The following CCDC7 variants were observed in gnomAD, a reference collection of about 807,000 sequenced individuals.
CCDC7 encodes coiled-coil domain containing 7.
In CCDC7, 183 loss-of-function variants were observed where a neutral mutation model predicts 196.9. The ratio of observed to expected loss-of-function variants is 0.93; its 90% confidence interval spans 0.82 to 1.05. The LOEUF (loss-of-function observed/expected upper bound fraction) is 1.05. Among genes scored for constraint, CCDC7 ranks in the 50% least tolerant of loss-of-function variants. The pLI, the probability that CCDC7 is intolerant of heterozygous loss-of-function variation, is 0.00. For synonymous variants in CCDC7, 525 were observed against 484.6 expected, an observed-to-expected ratio of 1.08 and a Z score of -1.10; for missense variants, 1,540 against 1,482.2, an observed-to-expected ratio of 1.04 and a Z score of -0.64.
intron 28 of CCDC7, among the ~76,000 whole-genome samples, chr10:32,761,326 G>A (rs1364804835): frequency 6.6e-6 from 1 of 151,932 alleles, no homozygotes; most frequent in East Asian, 1.9e-4. Flanking sequence ...ACTTGATACA[G>A]AACAAAGAGA....
downstream of CCDC7, among the ~76,000 whole-genome samples, chr10:32,880,754 G>A (rs546424996): frequency 2.6e-5 from 4 of 152,044 alleles, no homozygotes; most frequent in Non-Finnish European, 4.4e-5. Context: ...TTCTGCATAT[G>A]GCTAGCCAGT....
intron 20 of CCDC7, among the ~76,000 whole-genome samples, chr10:32,651,591 C>T (rs1004561202): frequency 3.9e-5 from 6 of 152,142 alleles, no homozygotes; most frequent in African/African-American, 1.4e-4. Flanking sequence ...GGCAGGAGCA[C>T]TCTGTCTTAC....
At chr10:32,511,568 A>C in intron 9 of CCDC7, 1 of 1,606,776 alleles carries the variant, frequency 6.2e-7, no homozygotes, top group Non-Finnish European at 8.5e-7. Context: ...GTATGCAGAA[A>C]CCAAATCCAC....
chr10:32,443,846 G>A (rs1396716831), upstream of CCDC7, among the ~76,000 whole-genome samples: 1 of 151,806 alleles, frequency 6.6e-6, no homozygotes, highest in Non-Finnish European at 1.5e-5. Flanking sequence ...CTTGGATTTT[G>A]ATCATAAACG....
At chr10:32,779,777 A>G (rs2080747326) in intron 29 of CCDC7, among the ~76,000 whole-genome samples, 1 of 152,238 alleles carries the variant, frequency 6.6e-6, no homozygotes, top group South Asian at 2.1e-4. Context: ...AGCTTCAGAA[A>G]ATAGTCACAG....
Position 32,694,890 on chromosome 10 carries a change from G to GA in CCDC7, c.2358dup (p.Pro787ThrfsTer8). On this transcript the variant is annotated frameshift_variant, in exon 24 of 42. Transcript: ENST00000639629. LOFTEE classifies it high-confidence loss of function. ...ATCTCCTTATGTAGCTCATGATGAAGAACCAGGCAAAAATCTTGTGCTTGA... is the reference window on the plus strand; with the variant it reads ...ATCTCCTTATGTAGCTCATGATGAAGAAACCAGGCAAAAATCTTGTGCTTGA... The GA allele has an allele frequency of 6.3e-7, 1 of 1,592,914 alleles. No individual in the cohort carries two copies. Among genetic ancestry groups the GA allele is most frequent in the Non-Finnish European group, 8.6e-7 (1 of 1,169,246 alleles).
chr10:32,770,371 C>T (rs1287587675), intron 28 of CCDC7, among the ~76,000 whole-genome samples: 1 of 152,106 alleles, frequency 6.6e-6, no homozygotes. Flanking sequence ...TCGTTATTGA[C>T]CCAAATATCA....
intron 25 of CCDC7, among the ~76,000 whole-genome samples, chr10:32,720,103 T>C (rs2082178442): frequency 2.0e-5 from 3 of 152,194 alleles, no homozygotes; most frequent in Admixed American, 2.0e-4. Flanking sequence ...GTATGTTTAT[T>C]GCAGCACTAT....
intron 40 of CCDC7, among the ~76,000 whole-genome samples, chr10:32,853,870 CATTT>C (rs1256668890): frequency 6.6e-6 from 1 of 152,088 alleles, no homozygotes; most frequent in African/African-American, 2.4e-5. Context: ...TTCTAGTCTT[CATTT>C]GTTTTCATAT....
chr10:32,468,570 A>G (rs1311617474), intron 5 of CCDC7, among the ~76,000 whole-genome samples: 1 of 152,160 alleles, frequency 6.6e-6, no homozygotes, highest in Non-Finnish European at 1.5e-5. Flanking sequence ...GGATGCCTTT[A>G]TTTCTTTCTC....
chr10:32,864,755 C>T (rs1189861301), intron 41 of CCDC7, among the ~76,000 whole-genome samples: 1 of 151,612 alleles, frequency 6.6e-6, no homozygotes, highest in Non-Finnish European at 1.5e-5. Flanking sequence ...ATAGGAAATC[C>T]TGAAGCTTAA....
chr10:32,596,589 T>G (rs2060385440), intron 18 of CCDC7, among the ~76,000 whole-genome samples: 1 of 152,194 alleles, frequency 6.6e-6, no homozygotes, highest in Non-Finnish European at 1.5e-5. Flanking sequence ...GTTAGCTGGT[T>G]ATTTTGCTCA....
chr10:32,838,918 C>G (rs1400484935), intron 33 of CCDC7, among the ~76,000 whole-genome samples: 1 of 151,846 alleles, frequency 6.6e-6, no homozygotes, highest in African/African-American at 2.4e-5. Context: ...ACAGTCTTTT[C>G]CAGACAAGCA....
intron 21 of CCDC7, among the ~76,000 whole-genome samples, chr10:32,665,961 G>C (rs2072587314): frequency 6.6e-6 from 1 of 151,692 alleles, no homozygotes; most frequent in Admixed American, 6.6e-5. Context: ...TGTAGATATT[G>C]TAAATGAGAT....
chr10:32,676,300 A>G (rs1445635955), intron 21 of CCDC7, among the ~76,000 whole-genome samples: 1 of 151,704 alleles, frequency 6.6e-6, no homozygotes, highest in East Asian at 1.9e-4. Context: ...CATTCAGGAC[A>G]TAGGCATGGG....
intron 18 of CCDC7, among the ~76,000 whole-genome samples, chr10:32,584,670 T>A (rs541469700): frequency 6.8e-6 from 1 of 146,640 alleles, no homozygotes; most frequent in East Asian, 2.0e-4. Flanking sequence ...GGAGAATCGC[T>A]TGAACCCAGG....
chr10:32,557,331 A>T, intron 13 of CCDC7, among the ~76,000 whole-genome samples: 1 of 146,376 alleles, frequency 6.8e-6, no homozygotes, highest in South Asian at 2.2e-4. Context: ...CGTGAGCATG[A>T]TTTTCTTTGT....
chr10:32,588,605 G>T (rs2059508735), intron 18 of CCDC7, among the ~76,000 whole-genome samples: 1 of 152,042 alleles, frequency 6.6e-6, no homozygotes, highest in Admixed American at 6.6e-5. Flanking sequence ...TAAGGATACT[G>T]CTCTGTATGT....
chr10:32,484,094 C>T (rs1254170171), intron 8 of CCDC7, among the ~76,000 whole-genome samples: 1 of 152,108 alleles, frequency 6.6e-6, no homozygotes, highest in Non-Finnish European at 1.5e-5. Flanking sequence ...GGCAGTATGG[C>T]CATTTTCACA....
Sources: gnomAD v4.1 joint callset for allele counts (sites outside exome capture counted in the v4.1 genomes callset) on GRCh38, gnomAD v4.1.1 for gene constraint, MANE v1.5 for transcripts, NCBI Gene and HGNC (gene_info 2026-07-23, HGNC 2026-07-21) for gene names.